KATNIP: variants seen among roughly 807,000 people sequenced by gnomAD.
KATNIP encodes the protein katanin-interacting protein.
Under a neutral mutation model 174.0 loss-of-function variants are expected in KATNIP, and 126 were observed. That is an observed-to-expected ratio of 0.72 (90% CI 0.63 to 0.84). The LOEUF (loss-of-function observed/expected upper bound fraction) is 0.84. Ranked by LOEUF, KATNIP falls within the 40% of genes least tolerant of loss-of-function variation. The pLI, the probability that KATNIP is intolerant of heterozygous loss-of-function variation, is 0.00. For synonymous variants in KATNIP, 810 were observed against 835.7 expected, an observed-to-expected ratio of 0.97 and a Z score of 0.53; for missense variants, 1,958 against 2,109.7, an observed-to-expected ratio of 0.93 and a Z score of 1.41.
chr16:27,747,640 G>A (rs946287189), intron 15 of KATNIP, among the ~76,000 whole-genome samples: 3 of 151,878 alleles, frequency 2.0e-5, no homozygotes, highest in Non-Finnish European at 2.9e-5. Context: ...GCCGGAAGGT[G>A]GGGGGTGGGG....
rs1236832121 is a variant in KATNIP at position 27,681,502 on chromosome 16, A to G, written c.912A>G (p.Val304=). ...ACCTGACTCCCCAAGCTCCTGCTGT[A>G]TTCCCAGACCAGGAGAGGATGTGCT... ...EPNLTPQAPA[V]FPDQERMCSR... is the part of the protein sequence containing the mutation. The change falls in exon 8 of 28, where the codon GTA becomes GTG. Residue 304 remains valine, a synonymous_variant. Transcript: ENST00000261588. 3.7e-6 allele frequency: 6 copies of G among 1,614,204 alleles called. No homozygotes were observed. In the South Asian group the frequency reaches 4.4e-5, roughly 12 times the overall value.
intron 13 of KATNIP, among the ~76,000 whole-genome samples, chr16:27,713,737 CATACATATTAT>C (rs2079737961): frequency 1.4e-5 from 2 of 140,770 alleles, no homozygotes; most frequent in African/African-American, 5.2e-5. Context: ...ATTATATACA[CATACATATTAT>C]ATATATGTGT....
chr16:27,634,388 G>A (rs747194351), intron 5 of KATNIP, among the ~76,000 whole-genome samples: 5 of 152,340 alleles, frequency 3.3e-5, no homozygotes, highest in Middle Eastern at 3.4e-3. Context: ...GCTAGCATGA[G>A]GAGGGGACTC....
In KATNIP at chr16:27,550,151, C is replaced by A. The variant is rs554319752; in HGVS notation, c.-20C>A. 6.2e-7 allele frequency: 1 copy of A among 1,612,414 alleles called. No homozygotes were observed. The highest frequency in any genetic ancestry group is 1.1e-5 in the South Asian group (1 of 90,978). ...AGAGGCCGCTTCCGGTTCGAGCTCC[C>A]GGAACCGCCGCCTCTAGGGATGGAC... On this transcript the variant is annotated 5_prime_UTR_variant, in exon 1 of 28. Coordinates refer to ENST00000261588, the MANE Select transcript of KATNIP (RefSeq NM_015202.5).
intron 3 of KATNIP, among the ~76,000 whole-genome samples, chr16:27,621,500 T>C (rs1319982470): frequency 1.3e-5 from 2 of 152,148 alleles, no homozygotes; most frequent in African/African-American, 4.8e-5. Flanking sequence ...GTATCTTTCC[T>C]AATGCTTCCA....
intron 2 of KATNIP, among the ~76,000 whole-genome samples, chr16:27,586,506 C>T (rs1237545364): frequency 6.6e-6 from 1 of 151,164 alleles, no homozygotes; most frequent in African/African-American, 2.4e-5. Context: ...GTGCCTTCCT[C>T]CCCACCACCA....
intron 14 of KATNIP, among the ~76,000 whole-genome samples, chr16:27,738,222 C>A (rs757349610): frequency 6.6e-6 from 1 of 152,136 alleles, no homozygotes; most frequent in Non-Finnish European, 1.5e-5. Context: ...CCAGAAAGGA[C>A]GATCAGTATA....
chr16:27,691,200 C>G (rs2078720680), intron 8 of KATNIP, among the ~76,000 whole-genome samples: 1 of 152,172 alleles, frequency 6.6e-6, no homozygotes. Context: ...GGCTGGTGAG[C>G]CGACCGGCAG....
At chr16:27,662,109 T>TATACACAC in intron 6 of KATNIP, among the ~76,000 whole-genome samples, 2 of 132,414 alleles carry the variant, frequency 1.5e-5, no homozygotes, top group Non-Finnish European at 3.1e-5. Flanking sequence ...TATATATATA[T>TATACACAC]ATATAGTATA....
At chr16:27,568,718 C>T (rs1567444286) in intron 1 of KATNIP, among the ~76,000 whole-genome samples, 1 of 152,122 alleles carries the variant, frequency 6.6e-6, no homozygotes. Context: ...CCGCCCGGGC[C>T]TCCCAAAGTG....
At chr16:27,683,825 A>G (rs2078431938) in intron 8 of KATNIP, among the ~76,000 whole-genome samples, 2 of 152,124 alleles carry the variant, frequency 1.3e-5, no homozygotes, top group African/African-American at 2.4e-5. Flanking sequence ...GGCCTCACCG[A>G]CTGCTGTTCA....
intron 2 of KATNIP, among the ~76,000 whole-genome samples, chr16:27,606,300 T>G (rs564264863): frequency 1.3e-5 from 2 of 152,250 alleles, no homozygotes; most frequent in East Asian, 1.9e-4. Context: ...AAGATACATT[T>G]GGATCATCTC....
At chr16:27,610,466 G>C (rs1325126295) in intron 2 of KATNIP, among the ~76,000 whole-genome samples, 1 of 152,076 alleles carries the variant, frequency 6.6e-6, no homozygotes, top group African/African-American at 2.4e-5. Flanking sequence ...CTTTGGGAGG[G>C]GTCCAGGTGC....
At position 27,735,328 on chromosome 16, in the gene KATNIP, T is replaced by A. The variant is rs528479245; in HGVS notation, c.1744-4713T>A. ...ACTGGGGAAGGAAGATGGGTGGCCA[T>A]GTTGTGGAAGCCGGCCACCCTATTA... On this transcript the variant is annotated intron_variant, in intron 14 of 27. Transcript: ENST00000261588. Among the ~76,000 whole-genome samples the A allele has an allele frequency of 2.4e-3, 371 of 152,248 alleles. 5 individuals carry two copies. Among genetic ancestry groups the A allele is most frequent in the African/African-American group, 8.7e-3 (360 of 41,560 alleles).
intron 8 of KATNIP, among the ~76,000 whole-genome samples, chr16:27,691,411 T>C (rs1364670943): frequency 6.6e-6 from 1 of 152,234 alleles, no homozygotes; most frequent in African/African-American, 2.4e-5. Context: ...ATTTGGCTTT[T>C]GCTGGTGGCA....
chr16:27,646,453 C>T (rs1369355559), intron 5 of KATNIP, among the ~76,000 whole-genome samples: 1 of 152,168 alleles, frequency 6.6e-6, no homozygotes, highest in African/African-American at 2.4e-5. Flanking sequence ...GGTGGATTGG[C>T]CAGGCCTGCC....
intron 2 of KATNIP, among the ~76,000 whole-genome samples, chr16:27,597,038 A>C (rs1318943374): frequency 6.6e-6 from 1 of 151,928 alleles, no homozygotes; most frequent in Non-Finnish European, 1.5e-5. Context: ...TAAATAAATA[A>C]AAATAATTAG....
intron 1 of KATNIP, among the ~76,000 whole-genome samples, chr16:27,570,482 G>A (rs1432720435): frequency 3.3e-5 from 5 of 152,140 alleles, no homozygotes; most frequent in Non-Finnish European, 7.3e-5. Context: ...CAGGAGAATT[G>A]CTTGAACCTG....
intron 20 of KATNIP, among the ~76,000 whole-genome samples, chr16:27,768,633 G>A (rs1429512494): frequency 6.6e-6 from 1 of 152,202 alleles, no homozygotes; most frequent in Non-Finnish European, 1.5e-5. Context: ...CAGCTCAGGG[G>A]GCCCAGGTAG....
Sources: allele counts gnomAD v4.1 joint callset (sites outside exome capture counted in the v4.1 genomes callset), GRCh38; gene constraint gnomAD v4.1.1; transcripts MANE v1.5; gene names NCBI Gene and HGNC (gene_info 2026-07-23, HGNC 2026-07-21).